NOD1: variants seen among roughly 807,000 people sequenced by gnomAD.
The protein encoded by NOD1 is nucleotide-binding oligomerization domain-containing protein 1.
A neutral mutation model predicts 81.2 loss-of-function variants in NOD1; 70 were observed. The observed-to-expected ratio is 0.86, with a 90% CI of 0.71 to 1.05. The LOEUF is 1.05. Ranked by LOEUF, NOD1 falls within the 50% of genes least tolerant of loss-of-function variation. NOD1 has a pLI of 0.00. For synonymous variants in NOD1, 508 were observed against 526.9 expected, an observed-to-expected ratio of 0.96 and a Z score of 0.49; for missense variants, 1,233 against 1,228.0, an observed-to-expected ratio of 1.00 and a Z score of -0.06.
chr7:30,434,757 G>A (rs1784242946), intron 11 of NOD1, among the ~76,000 whole-genome samples: 1 of 152,178 alleles, frequency 6.6e-6, no homozygotes, highest in Non-Finnish European at 1.5e-5. Context: ...TAAATGATTT[G>A]TTGAGGGGAA....
intron 3 of NOD1, 89 bp from the exon 4 acceptor site, chr7:30,457,131 G>A (rs574181087): frequency 5.2e-6 from 3 of 572,432 alleles, no homozygotes; most frequent in East Asian, 6.0e-5. Context: ...TCTCTACCTA[G>A]AGCAGGAAGG....
chr7:30,446,598 C>G, intron 8 of NOD1: 2 of 388,938 alleles, frequency 5.1e-6, no homozygotes, highest in Non-Finnish European at 9.4e-6. Context: ...AGGCTCCAAG[C>G]CTGGCGCACT....
Position 30,425,585 on chromosome 7 carries a change from C to T in NOD1, c.*53G>A. ...TGACACAAAAGACTGCCCAGAGTGG[C>T]ATTTGCTGCTGAGGCTCCAGGGCAA... is the stretch of plus-strand genomic sequence containing the variant. On this transcript the variant is annotated 3_prime_UTR_variant, in exon 14 of 14. Transcript: ENST00000222823. The T allele has an allele frequency of 2.3e-6, 3 of 1,316,084 alleles. No homozygotes were observed. Among genetic ancestry groups the T allele is most frequent in the Non-Finnish European group, 3.3e-6 (3 of 907,720 alleles). The allele number at this position is 1,316,084 out of a possible 1,614,324, so 81.5% of individuals were successfully genotyped here. A position where few individuals can be genotyped will look rare whatever the true frequency, so the allele number is the denominator to read the frequency against.
At chr7:30,434,154 C>T (rs1417907324) in intron 11 of NOD1, among the ~76,000 whole-genome samples, 2 of 152,158 alleles carry the variant, frequency 1.3e-5, no homozygotes, top group East Asian at 3.9e-4. Flanking sequence ...AGGGTGACCT[C>T]GGGCAACAGG....
At chr7:30,458,383 T>A (rs537744276) in intron 3 of NOD1, among the ~76,000 whole-genome samples, 1 of 152,262 alleles carries the variant, frequency 6.6e-6, no homozygotes, top group South Asian at 2.1e-4. Context: ...AAAAAAAGGT[T>A]TTTTTGTAGT....
At chr7:30,435,296 G>T (rs1286509792) in intron 11 of NOD1, among the ~76,000 whole-genome samples, 1 of 152,176 alleles carries the variant, frequency 6.6e-6, no homozygotes, top group African/African-American at 2.4e-5. Context: ...TGAAGACCTG[G>T]GGAAGGAGGA....
intron 11 of NOD1, chr7:30,433,396 A>C (rs1562655659): frequency 3.6e-6 from 2 of 548,678 alleles, no homozygotes; most frequent in East Asian, 3.0e-5. Context: ...CTGGGCTCCT[A>C]TTTCTTAGCC....
intron 12 of NOD1, among the ~76,000 whole-genome samples, chr7:30,431,575 C>T (rs1783960985): frequency 1.3e-5 from 2 of 152,170 alleles, no homozygotes; most frequent in South Asian, 4.1e-4. Flanking sequence ...GTGGTGCTGC[C>T]GGGACAGCTG....
chr7:30,429,038 C>T (rs926527208), intron 13 of NOD1, among the ~76,000 whole-genome samples: 2 of 152,200 alleles, frequency 1.3e-5, no homozygotes, highest in African/African-American at 4.8e-5. Flanking sequence ...TGCTGAGTCC[C>T]AGGGGGATTT....
chr7:30,455,202 A>C lies in NOD1; in HGVS notation c.311T>G (p.Leu104Arg), dbSNP rs766080418. The C allele has an allele frequency of 6.2e-7, 1 of 1,614,078 alleles. No individual in the cohort carries two copies. The highest frequency in any genetic ancestry group is 8.5e-7 in the Non-Finnish European group (1 of 1,180,046). ...GGAAGGGGAGAAGCCGATCTCCAGC[A>C]GCCAAGGCCTGAGGTCCACGTAGGC... ...ADAYVDLRPW[L>R]LEIGFSPSLL... The change falls in exon 5 of 14, where the codon CTG becomes CGG. Residue 104 changes from leucine to arginine, a missense_variant. By Grantham distance (102) the Leu-to-Arg change is moderately radical. Transcript: ENST00000222823.
Position 30,452,209 on chromosome 7 carries a change from T to C in NOD1, c.1208A>G (p.His403Arg), listed in dbSNP as rs1785812911. The stretch of plus-strand genomic sequence containing the variant: ...TGAGCCTTCAAAGGCAGCACGGAAG[T>C]GCTGGAAGCACCGGAAGATGATCCA... ...FCWIIFRCFQ[H>R]FRAAFEGSPQ... Residue 403 changes from histidine to arginine, a missense_variant, in exon 6 of 14, where the codon CAC becomes CGC. Coordinates refer to ENST00000222823, the MANE Select transcript of NOD1 (RefSeq NM_006092.4). 6.2e-6 allele frequency: 10 copies of C among 1,613,832 alleles called. No homozygotes were observed. Among genetic ancestry groups the C allele is most frequent in the Non-Finnish European group, 8.5e-6 (10 of 1,180,010 alleles).
rs1372366259 is a variant in NOD1 at position 30,451,712 on chromosome 7, G to A, written c.1705C>T (p.Gln569Ter). Residue 569 changes from glutamine to a stop codon, truncating the protein, a stop_gained, in exon 6 of 14, where the codon CAG becomes TAG. Transcript: ENST00000222823. LOFTEE classifies it high-confidence loss of function. The surrounding 1 kb of genome is among the most constrained non-coding windows in gnomAD (Gnocchi z 4.2). ...YPPFLPFQCL[Q>*]GSGPAREDLF... Reference sequence around the variant, plus strand: ...TCTTCCCGCGCCGGACCACTGCCCTGCAGGCACTGGAACGGGAGGAAGGGA... The same window carrying A: ...TCTTCCCGCGCCGGACCACTGCCCTACAGGCACTGGAACGGGAGGAAGGGA... 1.2e-6 allele frequency: 2 copies of A among 1,613,880 alleles called. No individual in the cohort carries two copies. The highest frequency in any genetic ancestry group is 3.3e-5 in the Admixed American group (2 of 60,030).
intron 11 of NOD1, among the ~76,000 whole-genome samples, chr7:30,433,794 A>G (rs2127999201): frequency 6.6e-6 from 1 of 152,242 alleles, no homozygotes; most frequent in South Asian, 2.1e-4. Flanking sequence ...GAAGAAGAAT[A>G]GAACAGAAAG....
chr7:30,460,312 G>A (rs1786894772), intron 1 of NOD1: 2 of 985,446 alleles, frequency 2.0e-6, no homozygotes, highest in Non-Finnish European at 2.4e-6. Context: ...GACAGCCAGA[G>A]ATCTGCTGGC....
chr7:30,452,932 G>A lies in NOD1; in HGVS notation c.485C>T (p.Thr162Ile). ...GCTGAAGCCAACCAGCTCCATGATG[G>A]TGTCCATGTAGATCTCCTCCAGCAG... ...ELLLEEIYMD[T>I]IMELVGFSNE... is the part of the protein sequence containing the mutation. The change falls in exon 6 of 14, where the codon ACC becomes ATC. Residue 162 changes from threonine (T) to isoleucine (I), a missense_variant. Physicochemically the swap from Thr to Ile is moderately conservative, Grantham distance 89 (BLOSUM62 -1). Coordinates refer to ENST00000222823, the MANE Select transcript of NOD1 (RefSeq NM_006092.4). 1 of 1,614,012 alleles carries A rather than the reference G, an allele frequency of 6.2e-7. No individual in the cohort carries two copies. Among genetic ancestry groups the A allele is most frequent in the Non-Finnish European group, 8.5e-7 (1 of 1,180,006 alleles).
intron 13 of NOD1, 38 bp downstream of exon 13, chr7:30,429,336 C>A: frequency 6.5e-7 from 1 of 1,540,726 alleles, no homozygotes; most frequent in South Asian, 1.1e-5. Context: ...AGTAAACAGT[C>A]ACTGGTGTTA....
chr7:30,438,009 A>G (rs1331455328), intron 9 of NOD1, among the ~76,000 whole-genome samples: 1 of 152,256 alleles, frequency 6.6e-6, no homozygotes, highest in Non-Finnish European at 1.5e-5. Context: ...TGTGGAGCAC[A>G]GAGGTGCGCA....
chr7:30,446,266 G>C, intron 8 of NOD1, 42 bp from the exon 9 acceptor site: 1 of 1,456,364 alleles, frequency 6.9e-7, no homozygotes, highest in Non-Finnish European at 9.6e-7. Flanking sequence ...AGCTATGCAG[G>C]GGCTCCAATG....
chr7:30,436,603 T>C (rs1395090572), intron 10 of NOD1, among the ~76,000 whole-genome samples: 2 of 152,222 alleles, frequency 1.3e-5, no homozygotes, highest in African/African-American at 2.4e-5. Context: ...AGAGTCCCTC[T>C]TTTCCAGCAT....
Sources: allele counts gnomAD v4.1 joint callset (sites outside exome capture counted in the v4.1 genomes callset), GRCh38; gene constraint gnomAD v4.1.1; non-coding constraint Gnocchi (gnomAD v3.1); transcripts MANE v1.5; gene names NCBI Gene and HGNC (gene_info 2026-07-23, HGNC 2026-07-21).